Variants in BBX observed in about 807,000 individuals in gnomAD.
BBX encodes the protein BBX high mobility group box domain containing.
A neutral mutation model predicts 100.2 loss-of-function variants in BBX; 30 were observed. That is an observed-to-expected ratio of 0.30 (90% CI 0.22 to 0.41). The LOEUF is 0.41. BBX is among the 10% of genes least tolerant of loss of function. The probability of loss-of-function intolerance (pLI) is 1.00; values close to 1 mark genes in which losing one functional copy is unlikely to be tolerated. For synonymous variants in BBX, 376 were observed against 388.1 expected, an observed-to-expected ratio of 0.97 and a Z score of 0.37; for missense variants, 1,023 against 1,129.8, an observed-to-expected ratio of 0.91 and a Z score of 1.35.
intron 2 of BBX, among the ~76,000 whole-genome samples, chr3:107,644,169 A>C (rs568808956): frequency 1.4e-3 from 209 of 150,368 alleles, no homozygotes; most frequent in African/African-American, 4.9e-3. Context: ...AGGGTACCTG[A>C]AGATTAATGA....
intron 2 of BBX, among the ~76,000 whole-genome samples, chr3:107,587,698 G>A (rs1338204769): frequency 2.6e-5 from 4 of 152,134 alleles, no homozygotes; most frequent in Admixed American, 6.5e-5. Context: ...GAAATCATTC[G>A]AATTCATTTT....
chr3:107,770,947 A>G (rs947193752), intron 10 of BBX, among the ~76,000 whole-genome samples: 4 of 152,200 alleles, frequency 2.6e-5, no homozygotes, highest in African/African-American at 9.7e-5. Flanking sequence ...AATTTTACAG[A>G]TGGTAATGAT....
At chr3:107,647,149 T>C (rs2057566505) in intron 3 of BBX, among the ~76,000 whole-genome samples, 1 of 152,184 alleles carries the variant, frequency 6.6e-6, no homozygotes, top group African/African-American at 2.4e-5. Context: ...CAGTTAATTA[T>C]GGTTTTACTG....
chr3:107,793,794 A>G (rs936313520), intron 15 of BBX, among the ~76,000 whole-genome samples: 11 of 152,196 alleles, frequency 7.2e-5, no homozygotes, highest in South Asian at 2.1e-4. Flanking sequence ...TCTAAAGTAG[A>G]TGACTTCAAG....
chr3:107,659,214 C>T (rs2058311369), intron 3 of BBX, among the ~76,000 whole-genome samples: 1 of 151,886 alleles, frequency 6.6e-6, no homozygotes, highest in Non-Finnish European at 1.5e-5. Context: ...ACATACTCTC[C>T]ACCTAGATTT....
intron 14 of BBX, among the ~76,000 whole-genome samples, chr3:107,790,386 C>T (rs751003761): frequency 7.9e-5 from 12 of 152,132 alleles, no homozygotes; most frequent in African/African-American, 1.9e-4. Context: ...TCCACCCCCC[C>T]TCGTTTGCCA....
chr3:107,651,772 C>CT (rs2107810577), intron 3 of BBX, among the ~76,000 whole-genome samples: 1 of 152,256 alleles, frequency 6.6e-6, no homozygotes, highest in African/African-American at 2.4e-5. Flanking sequence ...TACCTGCCTT[C>CT]TTTCTTTTTT....
At chr3:107,593,689 T>G (rs1284693173) in intron 2 of BBX, among the ~76,000 whole-genome samples, 1 of 152,184 alleles carries the variant, frequency 6.6e-6, no homozygotes, top group Non-Finnish European at 1.5e-5. Flanking sequence ...TGGGAATACA[T>G]AGGATGCAAC....
At chr3:107,789,937 T>C in intron 14 of BBX, 61 bp downstream of exon 14, 2 of 1,316,880 alleles carry the variant, frequency 1.5e-6, no homozygotes, top group Non-Finnish European at 1.1e-6. Context: ...GATTCATCTT[T>C]GAGTAATGCT....
chr3:107,571,946 T>G (rs2051400854), intron 2 of BBX, among the ~76,000 whole-genome samples: 1 of 152,244 alleles, frequency 6.6e-6, no homozygotes, highest in Non-Finnish European at 1.5e-5. Flanking sequence ...ATTCCTTAGC[T>G]GAGTGAGGTA....
chr3:107,593,711 C>A (rs2053492084), intron 2 of BBX, among the ~76,000 whole-genome samples: 1 of 152,088 alleles, frequency 6.6e-6, no homozygotes. Flanking sequence ...TAATTCCGCC[C>A]AAGGGAAATG....
At chr3:107,798,269 A>C (rs2069969809) in intron 15 of BBX, among the ~76,000 whole-genome samples, 1 of 152,198 alleles carries the variant, frequency 6.6e-6, no homozygotes, top group African/African-American at 2.4e-5. Flanking sequence ...AACGTGCAAC[A>C]CCCAGAGACT....
In BBX at chr3:107,716,721, C is replaced by A. The variant is rs144423719; in HGVS notation, c.277C>A (p.Arg93Ser). The A allele has an allele frequency of 2.5e-6, 4 of 1,613,746 alleles. No homozygotes were observed. Among genetic ancestry groups the A allele is most frequent in the Non-Finnish European group, 3.4e-6 (4 of 1,179,766 alleles). The change falls in exon 5 of 18, where the codon CGC becomes AGC. Residue 93 changes from arginine (R) to serine (S), a missense_variant. By Grantham distance (110) the Arg-to-Ser change is moderately radical (BLOSUM62 -1). Transcript: ENST00000325805. Reference sequence around the variant, plus strand: ...GAATGCATTTCTTTTATTTTGCAAACGCCATCGCTCTCTTGTACGTCAGGA... The same window carrying A: ...GAATGCATTTCTTTTATTTTGCAAAAGCCATCGCTCTCTTGTACGTCAGGA... ...PMNAFLLFCK[R>S]HRSLVRQEHP... is the part of the protein sequence containing the mutation.
At chr3:107,723,197 C>CT (rs970806518) in intron 5 of BBX, among the ~76,000 whole-genome samples, 5 of 151,994 alleles carry the variant, frequency 3.3e-5, no homozygotes, top group African/African-American at 1.2e-4. Context: ...TGCCACTTCT[C>CT]TTTCACCCTA....
intron 4 of BBX, among the ~76,000 whole-genome samples, chr3:107,711,761 C>G (rs1477415372): frequency 6.6e-6 from 1 of 152,160 alleles, no homozygotes; most frequent in African/African-American, 2.4e-5. Flanking sequence ...TTTTTAAACA[C>G]ATTTGCATGT....
At chr3:107,665,878 C>G (rs1454894229) in intron 3 of BBX, among the ~76,000 whole-genome samples, 1 of 152,182 alleles carries the variant, frequency 6.6e-6, no homozygotes, top group Non-Finnish European at 1.5e-5. Context: ...TTGAGTCTGT[C>G]TGTATCTGGT....
At chr3:107,595,051 C>A (rs1489593677) in intron 2 of BBX, among the ~76,000 whole-genome samples, 1 of 152,210 alleles carries the variant, frequency 6.6e-6, no homozygotes. Context: ...GCTGCCATTC[C>A]TTGCGGCAGA....
intron 2 of BBX, among the ~76,000 whole-genome samples, chr3:107,533,707 T>C (rs2048312126): frequency 6.6e-6 from 1 of 152,234 alleles, no homozygotes; most frequent in East Asian, 1.9e-4. Context: ...ATTTGAAACC[T>C]GTACCATGTT....
At chr3:107,751,369 A>G (rs1393511481) in intron 9 of BBX, among the ~76,000 whole-genome samples, 2 of 152,142 alleles carry the variant, frequency 1.3e-5, no homozygotes, top group Non-Finnish European at 2.9e-5. Flanking sequence ...CTCAGAAACT[A>G]TTTCCGTTCA....
Sources: gnomAD v4.1 joint callset for allele counts (sites outside exome capture counted in the v4.1 genomes callset) on GRCh38, gnomAD v4.1.1 for gene constraint, MANE v1.5 for transcripts, NCBI Gene and HGNC (gene_info 2026-07-23, HGNC 2026-07-21) for gene names.